The following TEX2 variants were observed in gnomAD, a reference collection of about 807,000 sequenced individuals.
The protein encoded by TEX2 is testis expressed 2.
In TEX2, 53 loss-of-function variants were observed where a neutral mutation model predicts 106.9. The observed-to-expected ratio is 0.50, with a 90% CI of 0.40 to 0.62. TEX2 has a LOEUF of 0.62. Ranked by LOEUF, TEX2 falls within the 20% of genes least tolerant of loss-of-function variation. The probability of loss-of-function intolerance (pLI) is 0.00; values close to 1 mark genes in which losing one functional copy is unlikely to be tolerated. For synonymous variants in TEX2, 523 were observed against 534.8 expected (o/e 0.98, Z 0.30); for missense variants, 1,207 against 1,379.0 (o/e 0.88, Z 1.98).
intron 11 of TEX2, 110 bp from the exon 12 acceptor site, chr17:64,149,201 A>G: frequency 8.0e-7 from 1 of 1,247,980 alleles, no homozygotes; most frequent in Non-Finnish European, 1.1e-6. Flanking sequence ...AAGTACATAT[A>G]AAAACTTGCT....
intron 1 of TEX2, among the ~76,000 whole-genome samples, chr17:64,232,395 A>G (rs1027995151): frequency 6.6e-6 from 1 of 152,162 alleles, no homozygotes; most frequent in African/African-American, 2.4e-5. Context: ...TTTACCAGTA[A>G]ACTGATTAAT....
chr17:64,234,972 A>G (rs1317162579), intron 1 of TEX2, among the ~76,000 whole-genome samples: 1 of 152,164 alleles, frequency 6.6e-6, no homozygotes, highest in Non-Finnish European at 1.5e-5. Context: ...TGGGCAGCGC[A>G]TGACCCAGTC....
rs2033105072 is a variant in TEX2 at position 64,213,904 on chromosome 17, G to T, written c.314C>A (p.Ala105Asp). The change falls in exon 2 of 12, where the codon GCC becomes GAC. Residue 105 changes from alanine (A) to aspartate (D), a missense_variant. Transcript: ENST00000584379. The surrounding 1 kb of genome is among the most constrained non-coding windows in gnomAD (Gnocchi z 4.4). Reference protein sequence around the residue: ...ADGLSVSQAPAILPVSKNTVK... With the variant: ...ADGLSVSQAPDILPVSKNTVK... Reference sequence around the variant, plus strand: ...AGTGTTCTTGGAGACGGGCAAAATGGCAGGGGCCTGGGACACGGACAGTCC... The same window carrying T: ...AGTGTTCTTGGAGACGGGCAAAATGTCAGGGGCCTGGGACACGGACAGTCC... 6 of 1,614,226 alleles carry T rather than the reference G, an allele frequency of 3.7e-6. No individual in the cohort carries two copies. The highest frequency in any genetic ancestry group is 5.1e-6 in the Non-Finnish European group (6 of 1,180,030).
intron 6 of TEX2, among the ~76,000 whole-genome samples, chr17:64,176,713 C>T (rs552608956): frequency 6.6e-6 from 1 of 152,248 alleles, no homozygotes; most frequent in African/African-American, 2.4e-5. Flanking sequence ...GGAGAGAGCC[C>T]AAAATAAAGT....
At chr17:64,261,084 A>T (rs994365149) in intron 1 of TEX2, among the ~76,000 whole-genome samples, 2 of 152,324 alleles carry the variant, frequency 1.3e-5, no homozygotes, top group African/African-American at 4.8e-5. Context: ...CTCTGTTCTC[A>T]TATTAAGTAA....
At chr17:64,247,353 A>G (rs918507168) in intron 1 of TEX2, among the ~76,000 whole-genome samples, 5 of 152,276 alleles carry the variant, frequency 3.3e-5, no homozygotes, top group Middle Eastern at 3.4e-3. Flanking sequence ...AAACCCAAGA[A>G]AAATAAAAAG....
Position 64,196,735 on chromosome 17 carries a change from T to G in TEX2, c.1645-1640A>C, listed in dbSNP as rs143783771. ...CTTTCTTTGGCTCACAGTTTTTTTG[T>G]CTTTTTCTTTAGTCTGTTCTTATGG... is the stretch of plus-strand genomic sequence containing the variant. On this transcript the variant is annotated intron_variant, in intron 2 of 11. Transcript: ENST00000584379. 2.0e-5 allele frequency among the ~76,000 whole-genome samples: 3 copies of G among 152,342 alleles called. No individual in the cohort carries two copies. The East Asian group carries it at 5.8e-4, about 29-fold the overall frequency.
Position 64,212,757 on chromosome 17 carries a change from G to C in TEX2, c.1461C>G (p.Leu487=). The change falls in exon 2 of 12, where the codon CTC becomes CTG. Residue 487 remains leucine (L), a synonymous_variant. Coordinates refer to ENST00000584379, the MANE Select transcript of TEX2 (RefSeq NM_001288732.2). ...GFFIMCVYVY[L]ILPLPHYVSG... ...TCACATAGTGGGGGAGGGGGAGGAT[G>C]AGGTACACATAGACACACATTATAA... The C allele has an allele frequency of 6.2e-7, 1 of 1,614,218 alleles. No individual in the cohort carries two copies. The highest frequency in any genetic ancestry group is 8.5e-7 in the Non-Finnish European group (1 of 1,180,036).
intron 5 of TEX2, among the ~76,000 whole-genome samples, chr17:64,181,695 T>C (rs1361424527): frequency 1.3e-5 from 2 of 151,822 alleles, no homozygotes; most frequent in African/African-American, 2.4e-5. Context: ...TTTGTATTTT[T>C]AGTACAGACG....
At chr17:64,240,209 G>A (rs1176724916) in intron 1 of TEX2, among the ~76,000 whole-genome samples, 1 of 151,010 alleles carries the variant, frequency 6.6e-6, no homozygotes, top group Non-Finnish European at 1.5e-5. Flanking sequence ...ATATACAGAT[G>A]TATATAAGTA....
At chr17:64,228,547 A>C (rs2033571226) in intron 1 of TEX2, among the ~76,000 whole-genome samples, 1 of 151,986 alleles carries the variant, frequency 6.6e-6, no homozygotes, top group Non-Finnish European at 1.5e-5. Flanking sequence ...TAGGGTTTAC[A>C]CTCCTATGAG....
Position 64,164,446 on chromosome 17 carries a change from A to AC in TEX2, c.2672-3514_2672-3513insG, listed in dbSNP as rs1051785196. On this transcript the variant is annotated intron_variant, in intron 7 of 11. Coordinates refer to ENST00000584379, the MANE Select transcript of TEX2 (RefSeq NM_001288732.2). Reference sequence around the variant, plus strand: ...AAAGAAGAAGAAGAAAAAAAAAAAAAACCCTGGCACTTCATGCAGCAACAC... The same window carrying AC: ...AAAGAAGAAGAAGAAAAAAAAAAAAACACCCTGGCACTTCATGCAGCAACAC... 1.8e-3 allele frequency among the ~76,000 whole-genome samples: 269 copies of AC among 150,992 alleles called. 2 individuals are homozygous for AC. The highest frequency in any genetic ancestry group is 4.0e-3 in the South Asian group (19 of 4,780).
intron 1 of TEX2, among the ~76,000 whole-genome samples, chr17:64,220,028 G>A (rs1280020201): frequency 6.6e-6 from 1 of 152,230 alleles, no homozygotes; most frequent in Admixed American, 6.5e-5. Context: ...AGAAGGCGAT[G>A]TGAAACAGAA....
At chr17:64,168,495 G>T (rs897247668) in intron 7 of TEX2, among the ~76,000 whole-genome samples, 9 of 152,160 alleles carry the variant, frequency 5.9e-5, no homozygotes, top group African/African-American at 2.2e-4. Context: ...CATAGCTCCT[G>T]CTCTAGAAGA....
intron 8 of TEX2, among the ~76,000 whole-genome samples, chr17:64,158,344 G>A (rs1431435276): frequency 1.3e-5 from 2 of 152,234 alleles, no homozygotes; most frequent in African/African-American, 4.8e-5. Context: ...GAGAAAAGCA[G>A]TGAGATGAAG....
intron 2 of TEX2, among the ~76,000 whole-genome samples, chr17:64,209,981 G>A (rs2143027402): frequency 6.6e-6 from 1 of 152,274 alleles, no homozygotes; most frequent in Non-Finnish European, 1.5e-5. Context: ...CATCTGAGAA[G>A]AGGGTAGGAA....
Position 64,193,787 on chromosome 17 carries a change from G to A in TEX2, c.1948C>T (p.Gln650Ter). ...TCTTCTGAAGTCTCCTTATCAGTCT[G>A]AGCTTTAGACATAAAGTCATCTTGC... ...GQQDDFMSKA[Q>*]TDKETSEEKP... Residue 650 changes from glutamine (Q) to a stop codon, truncating the protein, a stop_gained, in exon 4 of 12, where the codon CAG becomes TAG. Coordinates refer to ENST00000584379, the MANE Select transcript of TEX2 (RefSeq NM_001288732.2). LOFTEE classifies it high-confidence loss of function. 6.2e-7 allele frequency: 1 copy of A among 1,612,318 alleles called. No homozygotes were observed. Among genetic ancestry groups the A allele is most frequent in the Non-Finnish European group, 8.5e-7 (1 of 1,178,962 alleles).
intron 2 of TEX2, among the ~76,000 whole-genome samples, chr17:64,198,968 A>G (rs1406755371): frequency 6.6e-6 from 1 of 152,236 alleles, no homozygotes; most frequent in Non-Finnish European, 1.5e-5. Context: ...ATATTACATG[A>G]AACTGTTCTC....
chr17:64,180,377 T>A (rs1315245241), intron 5 of TEX2, among the ~76,000 whole-genome samples: 1 of 152,214 alleles, frequency 6.6e-6, no homozygotes, highest in African/African-American at 2.4e-5. Context: ...TATGATGTGG[T>A]AAACAAATTT....
Sources: gnomAD v4.1 joint callset for allele counts (sites outside exome capture counted in the v4.1 genomes callset) on GRCh38, gnomAD v4.1.1 for gene constraint, Gnocchi (gnomAD v3.1) non-coding constraint, MANE v1.5 for transcripts, NCBI Gene and HGNC (gene_info 2026-07-23, HGNC 2026-07-21) for gene names.